ZC2HC1A: variants seen among roughly 807,000 people sequenced by gnomAD.
The protein encoded by ZC2HC1A is zinc finger C2HC-type containing 1A, also known as zinc finger C2HC domain-containing protein 1A.
Under a neutral mutation model 40.7 loss-of-function variants are expected in ZC2HC1A, and 28 were observed. That is an observed-to-expected ratio of 0.69 (90% confidence interval 0.51 to 0.94). The LOEUF is 0.94. ZC2HC1A is among the 40% of genes least tolerant of loss of function. The pLI is 0.00. For missense variants in ZC2HC1A, 389 were observed against 386.3 expected, an observed-to-expected ratio of 1.01 and a Z score of -0.06; for synonymous variants, 129 against 129.2, an observed-to-expected ratio of 1.00 and a Z score of 0.01.
chr8:78,704,932 G>GT, intron 7 of ZC2HC1A, among the ~76,000 whole-genome samples: 2 of 152,278 alleles, frequency 1.3e-5, no homozygotes, highest in South Asian at 4.1e-4. Context: ...CTTGTAGTGT[G>GT]TTTTTCAGCT....
chr8:78,669,794 T>A (rs960797166), intron 1 of ZC2HC1A, among the ~76,000 whole-genome samples: 2 of 152,154 alleles, frequency 1.3e-5, no homozygotes, highest in Non-Finnish European at 2.9e-5. Flanking sequence ...TTTTATATAT[T>A]AGTTTTTATT....
At position 78,681,600 on chromosome 8, in the gene ZC2HC1A, G is replaced by T. The variant is rs1809779909; in HGVS notation, c.210+2921G>T. 2.0e-5 allele frequency among the ~76,000 whole-genome samples: 3 copies of T among 152,252 alleles called. No homozygotes were observed. In the South Asian group the frequency reaches 6.2e-4, roughly 32 times the overall value. The stretch of plus-strand genomic sequence containing the variant: ...TTTCGTTGTTTTCTATTCCCTGAAA[G>T]AGTTTGTGTAATATTGATGCTAGAT... On this transcript the variant is annotated intron_variant, in intron 3 of 8. Transcript: ENST00000263849.
chr8:78,676,095 T>A, intron 2 of ZC2HC1A: 1 of 355,218 alleles, frequency 2.8e-6, no homozygotes, highest in Non-Finnish European at 5.0e-6. Flanking sequence ...ATTCCTCATT[T>A]TACGAGACTC....
chr8:78,683,793 C>T (rs1453964779), intron 3 of ZC2HC1A, among the ~76,000 whole-genome samples: 2 of 152,104 alleles, frequency 1.3e-5, no homozygotes, highest in African/African-American at 4.8e-5. Context: ...CTTATATATT[C>T]TGCTTCCTCT....
At chr8:78,714,829 G>C (rs529540458) in intron 7 of ZC2HC1A, among the ~76,000 whole-genome samples, 1 of 151,920 alleles carries the variant, frequency 6.6e-6, no homozygotes, top group Non-Finnish European at 1.5e-5. Flanking sequence ...TAACTACATC[G>C]TATATGCCTA....
At position 78,718,204 on chromosome 8, in the gene ZC2HC1A, G is replaced by A. The variant is rs995737874; in HGVS notation, c.*711G>A. ...ATTTTTTTTAGTTCTGTATGTATTC[G>A]TTGAACATATTTTTTTACTTCCAAT... is the stretch of plus-strand genomic sequence containing the variant. On this transcript the variant is annotated 3_prime_UTR_variant, in exon 9 of 9. Transcript: ENST00000263849. The A allele has an allele frequency of 2.6e-5, 4 of 151,626 alleles. No homozygotes were observed. Among genetic ancestry groups the A allele is most frequent in the Admixed American group, 1.3e-4 (2 of 15,220 alleles). The allele number at this position is 151,626 out of a possible 1,614,324, so 9.4% of individuals were successfully genotyped here. A position where few individuals can be genotyped will look rare whatever the true frequency, so the allele number is the denominator to read the frequency against.
rs1196962245 is a variant in ZC2HC1A, at chr8:78,678,629, CAGAG to C, written c.163_166del (p.Arg55LeufsTer9). The C allele has an allele frequency of 6.2e-7, 1 of 1,612,686 alleles. No homozygotes were observed. Among genetic ancestry groups the C allele is most frequent in the Admixed American group, 1.7e-5 (1 of 59,850 alleles). ...ACGGAAGACTTTTGATTCAAGCAGA[CAGAG>C]AGCTGAAGGAACTGATATTCCAACA... On this transcript the variant is annotated frameshift_variant, in exon 3 of 9. Transcript: ENST00000263849. LOFTEE classifies it high-confidence loss of function.
chr8:78,703,975 C>A (rs1810688208), intron 7 of ZC2HC1A, among the ~76,000 whole-genome samples: 1 of 152,130 alleles, frequency 6.6e-6, no homozygotes. Context: ...TAAGGCAGGT[C>A]TGGTGGTAAC....
intron 7 of ZC2HC1A, among the ~76,000 whole-genome samples, chr8:78,712,812 A>C (rs954265198): frequency 2.6e-5 from 4 of 152,198 alleles, no homozygotes; most frequent in African/African-American, 9.7e-5. Context: ...AAATTAATAT[A>C]CCTATTAATG....
At chr8:78,693,396 G>GT (rs1810283522) in intron 5 of ZC2HC1A, among the ~76,000 whole-genome samples, 1 of 152,132 alleles carries the variant, frequency 6.6e-6, no homozygotes, top group Non-Finnish European at 1.5e-5. Context: ...AGCACCTGTT[G>GT]TTTCCTGATT....
At position 78,718,270 on chromosome 8, in the gene ZC2HC1A, G is replaced by A. The variant is rs186499705; in HGVS notation, c.*777G>A. On this transcript the variant is annotated 3_prime_UTR_variant, in exon 9 of 9. Transcript: ENST00000263849. ...CACTTTTCCTCTTTTTCCATAACCC[G>A]TGAAGATAGTTTTAATTTGCTAGTT... 4.6e-5 allele frequency: 7 copies of A among 151,568 alleles called. No individual in the cohort carries two copies. The highest frequency in any genetic ancestry group is 3.9e-4 in the East Asian group (2 of 5,164). 9.4% of individuals were successfully genotyped at this position (151,568 alleles called of 1,614,324 possible). A position where few individuals can be genotyped will look rare whatever the true frequency, so the allele number is the denominator to read the frequency against.
intron 7 of ZC2HC1A, among the ~76,000 whole-genome samples, chr8:78,710,400 G>T (rs1810915558): frequency 1.3e-5 from 2 of 151,858 alleles, no homozygotes; most frequent in African/African-American, 2.4e-5. Context: ...GAAAATATTG[G>T]CAATCTTTTT....
chr8:78,680,421 A>G lies in ZC2HC1A; in HGVS notation c.210+1742A>G, dbSNP rs958811193. On this transcript the variant is annotated intron_variant, in intron 3 of 8. Transcript: ENST00000263849. ...GGCAGTATTTGGAAACTTGTTAGACATACAGAATCTCAGCCTCCTCCCAAA... is the reference window on the plus strand; with the variant it reads ...GGCAGTATTTGGAAACTTGTTAGACGTACAGAATCTCAGCCTCCTCCCAAA... Among the ~76,000 whole-genome samples, 6 of 152,110 alleles carry G rather than the reference A, an allele frequency of 3.9e-5. No individual in the cohort carries two copies. In the East Asian group the frequency reaches 7.7e-4, roughly 20 times the overall value.
At chr8:78,703,882 G>A (rs1009191662) in intron 7 of ZC2HC1A, among the ~76,000 whole-genome samples, 1 of 152,058 alleles carries the variant, frequency 6.6e-6, no homozygotes, top group African/African-American at 2.4e-5. Flanking sequence ...CAGTATTACT[G>A]GTCTGTGTAC....
At chr8:78,667,905 T>C (rs1809346967) in intron 1 of ZC2HC1A, among the ~76,000 whole-genome samples, 2 of 152,036 alleles carry the variant, frequency 1.3e-5, no homozygotes, top group Admixed American at 1.3e-4. Context: ...GTCCAGCTTA[T>C]GATGTTATAG....
chr8:78,693,554 C>A (rs1204334993), intron 5 of ZC2HC1A, among the ~76,000 whole-genome samples: 1 of 151,956 alleles, frequency 6.6e-6, no homozygotes, highest in Non-Finnish European at 1.5e-5. Flanking sequence ...CTGTTCATAT[C>A]CTTTGCCCAC....
At chr8:78,703,373 G>T (rs1278365729) in intron 7 of ZC2HC1A, among the ~76,000 whole-genome samples, 1 of 152,094 alleles carries the variant, frequency 6.6e-6, no homozygotes, top group African/African-American at 2.4e-5. Flanking sequence ...TGTCAGTGAG[G>T]TGTTAAAGTC....
At chr8:78,703,614 C>G (rs1338984431) in intron 7 of ZC2HC1A, among the ~76,000 whole-genome samples, 5 of 139,192 alleles carry the variant, frequency 3.6e-5, no homozygotes, top group African/African-American at 1.3e-4. Flanking sequence ...CTGCTTTTTT[C>G]TGTTTTCCAT....
In ZC2HC1A at chr8:78,666,678, A is replaced by G. The variant is rs190437599; in HGVS notation, c.16+514A>G. Among the ~76,000 whole-genome samples, 13 of 152,220 alleles carry G rather than the reference A, an allele frequency of 8.5e-5. No individual in the cohort carries two copies. The East Asian group carries it at 2.3e-3, about 27-fold the overall frequency. On this transcript the variant is annotated intron_variant, in intron 1 of 8. Transcript: ENST00000263849. ...TTCGACAGCATCTTCTGTCGGAGGG[A>G]TGTCAGAGCATCTCCTAAGGAAGTG...
Sources: gnomAD v4.1 joint callset for allele counts (sites outside exome capture counted in the v4.1 genomes callset) on GRCh38, gnomAD v4.1.1 for gene constraint, MANE v1.5 for transcripts, NCBI Gene and HGNC (gene_info 2026-07-23, HGNC 2026-07-21) for gene names.